LHPP: variants seen among roughly 807,000 people sequenced by gnomAD.
The protein encoded by LHPP is hLHPP.
In LHPP, 24 loss-of-function variants were observed where a neutral mutation model predicts 30.3. The observed-to-expected ratio is 0.79, with a 90% CI of 0.57 to 1.11. LHPP has a LOEUF of 1.11. Ranked by LOEUF, LHPP falls within the 50% of genes most tolerant of loss-of-function variation. The pLI, the probability that LHPP is intolerant of heterozygous loss-of-function variation, is 0.00. For synonymous variants in LHPP, 150 were observed against 157.1 expected (o/e 0.95, Z 0.34); for missense variants, 356 against 367.2 (o/e 0.97, Z 0.25).
chr10:124,531,364 C>T (rs151318104), intron 6 of LHPP, among the ~76,000 whole-genome samples: 33 of 152,320 alleles, frequency 2.2e-4, no homozygotes, highest in African/African-American at 6.5e-4. Flanking sequence ...CTGGAGTTCC[C>T]GCAGCCTTCT....
intron 5 of LHPP, among the ~76,000 whole-genome samples, chr10:124,507,873 G>A (rs978708923): frequency 2.5e-5 from 3 of 120,570 alleles, no homozygotes; most frequent in Non-Finnish European, 3.4e-5. Context: ...TTCAGGTGGG[G>A]GGGTAGGCAG....
At chr10:124,551,664 G>A (rs542418258) in intron 6 of LHPP, among the ~76,000 whole-genome samples, 131 of 152,200 alleles carry the variant, frequency 8.6e-4, no homozygotes, top group Non-Finnish European at 1.4e-3. Flanking sequence ...AGAGGCCTCA[G>A]CCAGGGTGAG....
chr10:124,575,497 C>T (rs1384848182), intron 6 of LHPP, among the ~76,000 whole-genome samples: 4 of 152,138 alleles, frequency 2.6e-5, no homozygotes, highest in Non-Finnish European at 5.9e-5. Flanking sequence ...CTTTGTTCTT[C>T]CTAGGATGCG....
intron 6 of LHPP, among the ~76,000 whole-genome samples, chr10:124,555,848 C>T (rs561553038): frequency 6.6e-6 from 1 of 152,268 alleles, no homozygotes; most frequent in South Asian, 2.1e-4. Context: ...CTGCCCCGAG[C>T]TGTTTGTACA....
rs140354286 is a variant in LHPP, at chr10:124,480,738, T to C, written c.126-3401T>C. Among the ~76,000 whole-genome samples, 115 of 152,344 alleles carry C rather than the reference T, an allele frequency of 7.5e-4. No homozygotes were observed. The East Asian group carries it at 0.019, about 25-fold the overall frequency. On this transcript the variant is annotated intron_variant, in intron 1 of 6. Coordinates refer to ENST00000368842, the MANE Select transcript of LHPP (RefSeq NM_022126.4). ...ACCACTAAGTGTAATTGATAATTCA[T>C]AAACCTCTGATTAGGAAAGACAAAT...
At position 124,562,175 on chromosome 10, in the gene LHPP, C is replaced by A. The variant is rs573452469; in HGVS notation, c.716+44904C>A. Among the ~76,000 whole-genome samples, 4 of 152,190 alleles carry A rather than the reference C, an allele frequency of 2.6e-5. No individual in the cohort carries two copies. The East Asian group carries it at 7.7e-4, about 29-fold the overall frequency. The stretch of plus-strand genomic sequence containing the variant: ...TTAAAAAATTAGCTGAGCATGGTGG[C>A]ACACACCTGTAGTCTCAGCTACTTA... On this transcript the variant is annotated intron_variant, in intron 6 of 6. Coordinates refer to ENST00000368842, the MANE Select transcript of LHPP (RefSeq NM_022126.4).
chr10:124,529,361 A>T (rs1954827886), intron 6 of LHPP, among the ~76,000 whole-genome samples: 1 of 151,998 alleles, frequency 6.6e-6, no homozygotes, highest in African/African-American at 2.4e-5. Flanking sequence ...GGGGTTATTA[A>T]AAACAGAAAC....
chr10:124,485,264 A>G (rs751868747), intron 2 of LHPP, among the ~76,000 whole-genome samples: 4 of 152,106 alleles, frequency 2.6e-5, no homozygotes, highest in Non-Finnish European at 5.9e-5. Flanking sequence ...CTTCAAAGAA[A>G]GAAGATTTAA....
chr10:124,538,705 G>C (rs1003068059), intron 6 of LHPP, among the ~76,000 whole-genome samples: 2 of 152,232 alleles, frequency 1.3e-5, no homozygotes, highest in African/African-American at 4.8e-5. Context: ...TCGCATGCCT[G>C]GGAGAATCCT....
intron 5 of LHPP, among the ~76,000 whole-genome samples, chr10:124,509,678 C>T (rs1290242754): frequency 6.6e-6 from 1 of 151,796 alleles, no homozygotes; most frequent in East Asian, 1.9e-4. Flanking sequence ...CTGTGGGAGC[C>T]TGGGTTCCTT....
At chr10:124,471,316 C>G (rs1952725466) in intron 1 of LHPP, among the ~76,000 whole-genome samples, 1 of 147,152 alleles carries the variant, frequency 6.8e-6, no homozygotes, top group Non-Finnish European at 1.5e-5. Context: ...GTCCCCGGGC[C>G]AGGAGTTTTG....
intron 5 of LHPP, among the ~76,000 whole-genome samples, chr10:124,511,727 G>A (rs1954303831): frequency 6.6e-6 from 1 of 152,200 alleles, no homozygotes; most frequent in African/African-American, 2.4e-5. Flanking sequence ...CTCTGTCTTT[G>A]TACTTTCTCA....
intron 6 of LHPP, among the ~76,000 whole-genome samples, chr10:124,597,572 A>G (rs981524086): frequency 6.6e-6 from 1 of 152,232 alleles, no homozygotes; most frequent in African/African-American, 2.4e-5. Context: ...GGGCACCCAG[A>G]GCACTGTGGG....
In LHPP at chr10:124,488,554, T is replaced by C; in HGVS notation, c.446T>C (p.Val149Ala). The C allele has an allele frequency of 6.2e-7, 1 of 1,612,554 alleles. No individual in the cohort carries two copies. Among genetic ancestry groups the C allele is most frequent in the South Asian group, 1.1e-5 (1 of 90,840 alleles). The change falls in exon 3 of 7, where the codon GTG becomes GCG. Residue 149 changes from valine to alanine, a missense_variant. Transcript: ENST00000368842. Reference sequence around the variant, plus strand: ...GTGCTCATGGAGCTGGAAAAACCTGTGCTCATATCACTGGGAAAAGGGTAA... The same window carrying C: ...GTGCTCATGGAGCTGGAAAAACCTGCGCTCATATCACTGGGAAAAGGGTAA... ...FQVLMELEKP[V>A]LISLGKGRYY...
At chr10:124,484,018 C>T (rs1589774371) in intron 1 of LHPP, 121 bp from the exon 2 acceptor site, 14 of 864,560 alleles carry the variant, frequency 1.6e-5, no homozygotes, top group Middle Eastern at 3.5e-4. Context: ...CTCAGGGGCT[C>T]GCAGTGGCCT....
At chr10:124,462,846 C>T (rs140487482) in intron 1 of LHPP, among the ~76,000 whole-genome samples, 2,971 of 152,068 alleles carry the variant, frequency 0.02, 94 homozygotes, top group African/African-American at 0.065. Flanking sequence ...TACAGGCACC[C>T]GCCATCATGC....
At chr10:124,502,112 C>G (rs1953919902) in intron 5 of LHPP, among the ~76,000 whole-genome samples, 1 of 151,948 alleles carries the variant, frequency 6.6e-6, no homozygotes, top group South Asian at 2.1e-4. Flanking sequence ...ACAAAATGTT[C>G]ACGTGTACCG....
At chr10:124,548,326 C>T (rs1441794124) in intron 6 of LHPP, among the ~76,000 whole-genome samples, 1 of 152,126 alleles carries the variant, frequency 6.6e-6, no homozygotes, top group Admixed American at 6.5e-5. Flanking sequence ...GGTGTTAACT[C>T]CTCTCTTCTC....
intron 2 of LHPP, among the ~76,000 whole-genome samples, chr10:124,484,536 C>T (rs995893276): frequency 5.3e-5 from 8 of 151,722 alleles, no homozygotes; most frequent in African/African-American, 1.9e-4. Flanking sequence ...TGGCCTCACA[C>T]CAGAGGGTCC....
Sources: gnomAD v4.1 joint callset for allele counts (sites outside exome capture counted in the v4.1 genomes callset) on GRCh38, gnomAD v4.1.1 for gene constraint, MANE v1.5 for transcripts, NCBI Gene and HGNC (gene_info 2026-07-23, HGNC 2026-07-21) for gene names.